Variants in ZFC3H1 observed in about 807,000 individuals in gnomAD.
ZFC3H1 encodes zinc finger C3H1-type containing, also known as zinc finger C3H1 domain-containing protein.
A neutral mutation model predicts 243.7 loss-of-function variants in ZFC3H1; 71 were observed. The observed-to-expected ratio is 0.29, with a 90% confidence interval of 0.24 to 0.36. The LOEUF (loss-of-function observed/expected upper bound fraction) is 0.36, where lower values mean the gene tolerates loss of function less well. ZFC3H1 is among the 10% of genes least tolerant of loss of function. The pLI is 1.00. For missense variants in ZFC3H1, 1,966 were observed against 2,317.1 expected (o/e 0.85, Z 3.11); for synonymous variants, 838 against 813.0 (o/e 1.03, Z -0.52).
chr12:71,639,311 G>C (rs1445582488), intron 6 of ZFC3H1: 2 of 162,150 alleles, frequency 1.2e-5, no homozygotes, highest in East Asian at 1.8e-4. Flanking sequence ...GGGTTGACTT[G>C]AGTCCCAAAT....
intron 27 of ZFC3H1, 91 bp downstream of exon 27, chr12:71,619,224 A>G: frequency 8.5e-7 from 1 of 1,180,348 alleles, no homozygotes. Flanking sequence ...AAGTCAGTCT[A>G]AAATGTCATC....
intron 30 of ZFC3H1, among the ~76,000 whole-genome samples, chr12:71,614,326 A>G (rs74866463): frequency 6.6e-6 from 1 of 151,112 alleles, no homozygotes; most frequent in Non-Finnish European, 1.5e-5. Flanking sequence ...CCATAACATA[A>G]TAATTAATGC....
intron 6 of ZFC3H1, among the ~76,000 whole-genome samples, chr12:71,640,052 T>C (rs1176432206): frequency 6.6e-6 from 1 of 152,174 alleles, no homozygotes; most frequent in Non-Finnish European, 1.5e-5. Context: ...AGACAGAGTG[T>C]CGCTCAGTGC....
rs1879990803 is a variant in ZFC3H1, at chr12:71,620,194, G to C, written c.4850+16C>G. 3.7e-6 allele frequency: 6 copies of C among 1,613,898 alleles called. No individual in the cohort carries two copies. The highest frequency in any genetic ancestry group is 5.1e-6 in the Non-Finnish European group (6 of 1,179,888). On this transcript the variant is annotated intron_variant, in intron 25 of 34. Coordinates refer to ENST00000378743, the MANE Select transcript of ZFC3H1 (RefSeq NM_144982.5). ...CTTTTTAATATAAGGTTAGCTGCTT[G>C]GCAATTAAGTTGTACCTCTCCAGGA...
chr12:71,610,926 G>A, intron 33 of ZFC3H1, 132 bp downstream of exon 33: 2 of 1,449,320 alleles, frequency 1.4e-6, no homozygotes, highest in Non-Finnish European at 1.9e-6. Flanking sequence ...AACTACTTTT[G>A]TTTCCCCACT....
In ZFC3H1 at chr12:71,657,043, G is replaced by GCTA. The variant is rs1180229664; in HGVS notation, c.854_856dup (p.Val285dup). 1 of 1,613,678 alleles carries GCTA rather than the reference G, an allele frequency of 6.2e-7. No homozygotes were observed. Among genetic ancestry groups the GCTA allele is most frequent in the East Asian group, 2.2e-5 (1 of 44,818 alleles). ...TTTGACTTGTGTTTTCTCCTCAGGA[G>GCTA]CTACTTCTTTACTTGAATCCTTTGT... On this transcript the variant is annotated inframe_insertion, in exon 2 of 35. Transcript: ENST00000378743.
At position 71,629,613 on chromosome 12, in the gene ZFC3H1, A is replaced by G. The variant is rs1880269723; in HGVS notation, c.3822T>C (p.Gly1274=). 6.3e-7 allele frequency: 1 copy of G among 1,589,748 alleles called. No individual in the cohort carries two copies. Among genetic ancestry groups the G allele is most frequent in the African/African-American group, 1.3e-5 (1 of 74,252 alleles). Reference sequence around the variant, plus strand: ...CACACTTATATATGTACTTACTATGACCTTTACTTTCATTGATATTGCTAA... The same window carrying G: ...CACACTTATATATGTACTTACTATGGCCTTTACTTTCATTGATATTGCTAA... The part of the protein sequence containing the change: ...LLVSNINESK[G]HTPPFTTYKD... The change falls in exon 19 of 35, where the codon GGT becomes GGC. Residue 1274 remains glycine (G), a synonymous_variant. Transcript: ENST00000378743.
chr12:71,618,757 G>C (rs771839474), intron 27 of ZFC3H1, among the ~76,000 whole-genome samples: 48 of 152,046 alleles, frequency 3.2e-4, no homozygotes, highest in Admixed American at 5.9e-4. Flanking sequence ...TTCAAAATCT[G>C]CCATGACCTC....
Position 71,634,278 on chromosome 12 carries a change from G to A in ZFC3H1, c.2387C>T (p.Ser796Leu), listed in dbSNP as rs1257001302. 4 of 1,613,678 alleles carry A rather than the reference G, an allele frequency of 2.5e-6. No individual in the cohort carries two copies. In the African/African-American group the frequency reaches 5.3e-5, roughly 22 times the overall value. ...TGATGAACTTGTCTTCAGCTGATCT[G>A]ATTTAATCAAACGCTGTTTCTCACG... is the stretch of plus-strand genomic sequence containing the variant. ...ANREKQRLIK[S>L]DQLKTSSSSP... The change falls in exon 12 of 35, where the codon TCA becomes TTA. Residue 796 changes from serine to leucine, a missense_variant. Ser to Leu is a moderately radical substitution (Grantham distance 145). Coordinates refer to ENST00000378743, the MANE Select transcript of ZFC3H1 (RefSeq NM_144982.5).
intron 31 of ZFC3H1, among the ~76,000 whole-genome samples, chr12:71,612,512 G>T (rs374992995): frequency 1.3e-5 from 2 of 152,202 alleles, no homozygotes; most frequent in African/African-American, 2.4e-5. Flanking sequence ...AGCTTCTACA[G>T]ATTGGCAGGC....
At chr12:71,633,678 C>T (rs534327015) in intron 12 of ZFC3H1, among the ~76,000 whole-genome samples, 26 of 152,028 alleles carry the variant, frequency 1.7e-4, no homozygotes, top group African/African-American at 5.3e-4. Flanking sequence ...CCTGAGGTAA[C>T]GTGAATTACT....
In ZFC3H1 at chr12:71,619,289, T is replaced by C. The variant is rs759449983; in HGVS notation, c.5144+26A>G. 4 of 1,603,772 alleles carry C rather than the reference T, an allele frequency of 2.5e-6. No homozygotes were observed. The Admixed American group carries it at 5.0e-5, about 20-fold the overall frequency. On this transcript the variant is annotated intron_variant, in intron 27 of 34. Coordinates refer to ENST00000378743, the MANE Select transcript of ZFC3H1 (RefSeq NM_144982.5). ...TGAACTGTGCTCTCTCTCATTCCTC[T>C]ACAAACTAAGAATTCTACAACTTAC...
At position 71,634,835 on chromosome 12, in the gene ZFC3H1, A is replaced by G. The variant is rs939305139; in HGVS notation, c.2239-10T>C. On this transcript the variant is annotated splice_polypyrimidine_tract_variant and intron_variant, in intron 10 of 34. Coordinates refer to ENST00000378743, the MANE Select transcript of ZFC3H1 (RefSeq NM_144982.5). ...TCGGTTTTGAAGCTTGCTAAAAAAA[A>G]AAAAACATTTGAAGTCAACTAGATC... 1.2e-5 allele frequency: 19 copies of G among 1,578,602 alleles called. No individual in the cohort carries two copies. Among genetic ancestry groups the G allele is most frequent in the Non-Finnish European group, 1.6e-5 (19 of 1,171,066 alleles).
At chr12:71,644,411 T>C in intron 4 of ZFC3H1, 93 bp from the exon 5 acceptor site, 3 of 1,312,988 alleles carry the variant, frequency 2.3e-6, no homozygotes, top group Non-Finnish European at 2.1e-6. Context: ...GATTAATCAG[T>C]GATGATGCTC....
chr12:71,623,347 A>G lies in ZFC3H1; in HGVS notation c.4744+13T>C. ...TAACAGTTGATATTACAATTTATAA[A>G]CTTTATACTTACCTTCAAAAACTGC... On this transcript the variant is annotated intron_variant, in intron 24 of 34. Transcript: ENST00000378743. 2 of 1,584,334 alleles carry G rather than the reference A, an allele frequency of 1.3e-6. No homozygotes were observed. The highest frequency in any genetic ancestry group is 1.7e-6 in the Non-Finnish European group (2 of 1,165,456).
At position 71,635,546 on chromosome 12, in the gene ZFC3H1, T is replaced by C. The variant is rs1880437753; in HGVS notation, c.2135A>G (p.Asn712Ser). 1 of 1,560,358 alleles carries C rather than the reference T, an allele frequency of 6.4e-7. No individual in the cohort carries two copies. The highest frequency in any genetic ancestry group is 8.6e-7 in the Non-Finnish European group (1 of 1,162,816). ...PKHKSVVVTLNDSDDSESDGE... is the reference protein window; with the variant it reads ...PKHKSVVVTLSDSDDSESDGE... ...ATCAGATTCACTATCATCTGAATCATTTAGTGTTACAACCACTGATTTATG... is the reference window on the plus strand; with the variant it reads ...ATCAGATTCACTATCATCTGAATCACTTAGTGTTACAACCACTGATTTATG... The change falls in exon 10 of 35, where the codon AAT (asparagine) becomes AGT (serine). Residue 712 changes from asparagine to serine, a missense_variant. Transcript: ENST00000378743.
At chr12:71,618,406 T>A (rs1879943229) in intron 27 of ZFC3H1, among the ~76,000 whole-genome samples, 1 of 152,224 alleles carries the variant, frequency 6.6e-6, no homozygotes, top group Admixed American at 6.5e-5. Context: ...GGGGAGATAT[T>A]CAGCTTAGGT....
Position 71,623,568 on chromosome 12 carries a change from T to C in ZFC3H1, c.4536A>G (p.Ile1512Met), listed in dbSNP as rs1308366405. The C allele has an allele frequency of 1.9e-6, 3 of 1,611,254 alleles. No individual in the cohort carries two copies. Among genetic ancestry groups the C allele is most frequent in the South Asian group, 2.2e-5 (2 of 90,370 alleles). The change falls in exon 24 of 35, where the codon ATA becomes ATG. Residue 1512 changes from isoleucine (I) to methionine (M), a missense_variant. Physicochemically the swap from Ile to Met is conservative, Grantham distance 10. This residue lies in a region of ZFC3H1 where 1,383 missense variants were observed against 1,723.7 expected (regional missense o/e 0.80). Coordinates refer to ENST00000378743, the MANE Select transcript of ZFC3H1 (RefSeq NM_144982.5). ...CACTGGTTTTAAGGTATTCAGCTAC[T>C]ATTCCATCATTAGCAGATTTCAATG... The part of the protein sequence containing the change: ...QNALKSANDG[I>M]VAEYLKTSDR...
Position 71,632,519 on chromosome 12 carries a change from G to A in ZFC3H1, c.2818-5C>T, listed in dbSNP as rs760271480. On this transcript the variant is annotated splice_polypyrimidine_tract_variant and splice_region_variant and intron_variant, in intron 14 of 34. Coordinates refer to ENST00000378743, the MANE Select transcript of ZFC3H1 (RefSeq NM_144982.5). ...CAGTCTCATCATTTTGTTTGGCTAAGGGAGAAAAATGATACACGTATTTTA... is the reference window on the plus strand; with the variant it reads ...CAGTCTCATCATTTTGTTTGGCTAAAGGAGAAAAATGATACACGTATTTTA... The A allele has an allele frequency of 1.3e-6, 2 of 1,540,794 alleles. No homozygotes were observed. The highest frequency in any genetic ancestry group is 4.4e-5 in the Admixed American group (2 of 45,908).
Sources: allele counts gnomAD v4.1 joint callset (sites outside exome capture counted in the v4.1 genomes callset), GRCh38; gene constraint gnomAD v4.1.1; regional missense constraint gnomAD v4.1.1; transcripts MANE v1.5; gene names NCBI Gene and HGNC (gene_info 2026-07-23, HGNC 2026-07-21).